Variants in ATRNL1 observed in about 807,000 individuals in gnomAD.
ATRNL1 encodes the protein attractin-like protein 1.
Under a neutral mutation model 182.7 loss-of-function variants are expected in ATRNL1, and 95 were observed. That is an observed-to-expected ratio of 0.52 (90% CI 0.44 to 0.62). The LOEUF (loss-of-function observed/expected upper bound fraction) is 0.62. ATRNL1 is among the 20% of genes least tolerant of loss of function. ATRNL1 has a pLI of 0.00. For synonymous variants in ATRNL1, 576 were observed against 568.3 expected (o/e 1.01, Z -0.19); for missense variants, 1,471 against 1,679.5 (o/e 0.88, Z 2.17).
At chr10:115,885,708 C>T (rs1263384194) in intron 28 of ATRNL1, among the ~76,000 whole-genome samples, 1 of 152,140 alleles carries the variant, frequency 6.6e-6, no homozygotes, top group African/African-American at 2.4e-5. Context: ...TATATGTATA[C>T]TTCTTGCGAC....
intron 9 of ATRNL1, among the ~76,000 whole-genome samples, chr10:115,239,122 CTACTA>C (rs1392622085): frequency 6.6e-6 from 1 of 152,108 alleles, no homozygotes; most frequent in African/African-American, 2.4e-5. Flanking sequence ...AAATATTGCT[CTACTA>C]GAGAATATTT....
At chr10:115,434,483 C>A (rs1304607300) in intron 21 of ATRNL1, among the ~76,000 whole-genome samples, 1 of 151,976 alleles carries the variant, frequency 6.6e-6, no homozygotes, top group Non-Finnish European at 1.5e-5. Flanking sequence ...AGGTTTCAAC[C>A]CTCTTAACCA....
intron 5 of ATRNL1, among the ~76,000 whole-genome samples, chr10:115,131,412 T>A (rs1057314406): frequency 6.6e-6 from 1 of 152,108 alleles, no homozygotes; most frequent in Non-Finnish European, 1.5e-5. Context: ...GTAAATGAGA[T>A]AATATGGTGT....
intron 26 of ATRNL1, among the ~76,000 whole-genome samples, chr10:115,557,529 T>A (rs1853384216): frequency 6.6e-6 from 1 of 151,798 alleles, no homozygotes; most frequent in Non-Finnish European, 1.5e-5. Flanking sequence ...TAAAAAATTC[T>A]GGTGGTTCAA....
chr10:115,100,266 C>T (rs1271314130), intron 1 of ATRNL1, among the ~76,000 whole-genome samples: 2 of 151,744 alleles, frequency 1.3e-5, no homozygotes, highest in Non-Finnish European at 2.9e-5. Context: ...TCACTGTACT[C>T]CATCCTGGGC....
chr10:115,159,391 G>T (rs892266739), intron 5 of ATRNL1, among the ~76,000 whole-genome samples: 2 of 151,352 alleles, frequency 1.3e-5, no homozygotes, highest in Non-Finnish European at 3.0e-5. Context: ...AAAGGAAAAG[G>T]CTGTGTTTTC....
chr10:115,730,938 G>A (rs1206428447), intron 27 of ATRNL1, among the ~76,000 whole-genome samples: 9 of 152,106 alleles, frequency 5.9e-5, no homozygotes, highest in African/African-American at 1.7e-4. Context: ...TCCAGTGTTC[G>A]AGGGCAGGAA....
intron 8 of ATRNL1, among the ~76,000 whole-genome samples, chr10:115,193,069 T>G (rs1218221059): frequency 6.6e-6 from 1 of 152,058 alleles, no homozygotes; most frequent in Non-Finnish European, 1.5e-5. Context: ...TTCTTTCTCT[T>G]GTCTAATTGC....
intron 28 of ATRNL1, among the ~76,000 whole-genome samples, chr10:115,912,686 TAA>T (rs879962527): frequency 1.4e-5 from 2 of 145,860 alleles, no homozygotes; most frequent in African/African-American, 2.5e-5. Context: ...AGATGAATGG[TAA>T]AAAAAAAAAA....
At chr10:115,609,708 G>A (rs964467401) in intron 26 of ATRNL1, among the ~76,000 whole-genome samples, 4 of 152,198 alleles carry the variant, frequency 2.6e-5, no homozygotes, top group African/African-American at 7.2e-5. Flanking sequence ...TGTTGTGGGA[G>A]GAAGCAGGGG....
At chr10:115,131,218 G>C (rs1417438511) in intron 5 of ATRNL1, among the ~76,000 whole-genome samples, 1 of 151,900 alleles carries the variant, frequency 6.6e-6, no homozygotes, top group Non-Finnish European at 1.5e-5. Flanking sequence ...CTACTTGTCT[G>C]TGTGTGTGTA....
chr10:115,382,254 G>A (rs959127158), intron 19 of ATRNL1, among the ~76,000 whole-genome samples: 1 of 152,018 alleles, frequency 6.6e-6, no homozygotes, highest in East Asian at 1.9e-4. Flanking sequence ...TTCTGGTAAG[G>A]ATTACATGAA....
At chr10:115,194,190 G>A (rs546015323) in intron 8 of ATRNL1, among the ~76,000 whole-genome samples, 12 of 152,010 alleles carry the variant, frequency 7.9e-5, no homozygotes, top group African/African-American at 2.2e-4. Flanking sequence ...AGATGAAATG[G>A]TCTGTAAATG....
chr10:115,846,003 C>T (rs1409232775), intron 27 of ATRNL1, among the ~76,000 whole-genome samples: 1 of 151,946 alleles, frequency 6.6e-6, no homozygotes, highest in Non-Finnish European at 1.5e-5. Context: ...TGGAATAAGA[C>T]AAACCTATTC....
intron 26 of ATRNL1, among the ~76,000 whole-genome samples, chr10:115,597,412 T>C (rs1342859561): frequency 1.3e-5 from 2 of 152,180 alleles, no homozygotes; most frequent in Non-Finnish European, 2.9e-5. Flanking sequence ...GACACAATTT[T>C]AGAAAATTGT....
At chr10:115,407,518 G>C (rs1554958542) in intron 20 of ATRNL1, among the ~76,000 whole-genome samples, 1 of 151,456 alleles carries the variant, frequency 6.6e-6, no homozygotes, top group Non-Finnish European at 1.5e-5. Context: ...TTCACTTCAT[G>C]TAATGTCTTC....
chr10:115,112,308 G>T (rs1299590384), intron 1 of ATRNL1, among the ~76,000 whole-genome samples: 1 of 152,064 alleles, frequency 6.6e-6, no homozygotes, highest in African/African-American at 2.4e-5. Context: ...AACCACAAAA[G>T]ACCACAAATA....
chr10:115,359,128 G>A (rs1165677094), intron 19 of ATRNL1, among the ~76,000 whole-genome samples: 3 of 151,504 alleles, frequency 2.0e-5, no homozygotes, highest in Admixed American at 2.0e-4. Context: ...CTTCAGGCAG[G>A]TTTGTGCCTC....
chr10:115,360,541 T>C (rs137912254), intron 19 of ATRNL1, among the ~76,000 whole-genome samples: 193 of 151,896 alleles, frequency 1.3e-3, no homozygotes, highest in African/African-American at 4.3e-3. Context: ...TGATGCATAT[T>C]GTTATTAAAT....
Sources: allele counts gnomAD v4.1 joint callset (sites outside exome capture counted in the v4.1 genomes callset), GRCh38; gene constraint gnomAD v4.1.1; transcripts MANE v1.5; gene names NCBI Gene and HGNC (gene_info 2026-07-23, HGNC 2026-07-21).